The following COL24A1 variants were observed in gnomAD, a reference collection of about 807,000 sequenced individuals.
The protein encoded by COL24A1 is collagen alpha-1(XXIV) chain.
Under a neutral mutation model 253.9 loss-of-function variants are expected in COL24A1, and 224 were observed. That is an observed-to-expected ratio of 0.88 (90% CI 0.79 to 0.99). COL24A1 has a LOEUF of 0.99. Ranked by LOEUF, COL24A1 falls within the 50% of genes least tolerant of loss-of-function variation. The probability of loss-of-function intolerance (pLI) is 0.00; values close to 1 mark genes in which losing one functional copy is unlikely to be tolerated. For missense variants in COL24A1, 2,131 were observed against 2,068.5 expected, an observed-to-expected ratio of 1.03 and a Z score of -0.59; for synonymous variants, 685 against 673.7, an observed-to-expected ratio of 1.02 and a Z score of -0.26.
intron 51 of COL24A1, among the ~76,000 whole-genome samples, 199 bp downstream of exon 51, chr1:85,783,297 C>T (rs375123451): frequency 7.7e-4 from 115 of 150,156 alleles, no homozygotes; most frequent in African/African-American, 2.7e-3. Context: ...CTAGGAAGTA[C>T]GGGTGGTCTA....
At chr1:86,129,295 T>C (rs934854262) in intron 2 of COL24A1, among the ~76,000 whole-genome samples, 3 of 151,776 alleles carry the variant, frequency 2.0e-5, no homozygotes, top group African/African-American at 4.8e-5. Flanking sequence ...CTGTCTCATT[T>C]CTCTAATTTT....
At chr1:85,974,575 G>C (rs1253146553) in intron 20 of COL24A1, among the ~76,000 whole-genome samples, 3 of 152,080 alleles carry the variant, frequency 2.0e-5, no homozygotes, top group African/African-American at 4.8e-5. Flanking sequence ...GATGGTAAAA[G>C]CATGGCAAAA....
At chr1:85,965,119 G>T (rs948393382) in intron 22 of COL24A1, 57 bp from the exon 23 acceptor site, 61 of 1,364,168 alleles carry the variant, frequency 4.5e-5, no homozygotes, top group African/African-American at 4.4e-4. Flanking sequence ...TCTCATTTTT[G>T]AAAGTTTCCT....
At chr1:85,887,094 G>C (rs950407177) in intron 32 of COL24A1, among the ~76,000 whole-genome samples, 4 of 152,136 alleles carry the variant, frequency 2.6e-5, no homozygotes, top group African/African-American at 9.7e-5. Context: ...ATCTAAGAAA[G>C]AGTAGCTAGA....
At chr1:85,846,346 T>C (rs1677139457) in intron 39 of COL24A1, among the ~76,000 whole-genome samples, 2 of 151,814 alleles carry the variant, frequency 1.3e-5, no homozygotes, top group South Asian at 2.1e-4. Flanking sequence ...GAGGCATTTC[T>C]AATAAAATAA....
At chr1:85,828,027 T>G (rs1166481817) in intron 43 of COL24A1, among the ~76,000 whole-genome samples, 1 of 152,148 alleles carries the variant, frequency 6.6e-6, no homozygotes, top group Non-Finnish European at 1.5e-5. Context: ...GTGTCAATTT[T>G]GGATCTTTCC....
At chr1:85,733,333 G>T (rs899733542) in intron 59 of COL24A1, among the ~76,000 whole-genome samples, 2 of 152,020 alleles carry the variant, frequency 1.3e-5, no homozygotes, top group Non-Finnish European at 2.9e-5. Context: ...TCTCTAAAGG[G>T]CCAGATAGTA....
intron 24 of COL24A1, among the ~76,000 whole-genome samples, chr1:85,954,836 G>A (rs524192): frequency 0.52 from 79,178 of 152,002 alleles, 21,216 homozygotes; most frequent in African/African-American, 0.58. Context: ...CACTGAAACT[G>A]CAAAGGCCCT....
intron 43 of COL24A1, among the ~76,000 whole-genome samples, chr1:85,829,412 C>T (rs1249135978): frequency 6.8e-6 from 1 of 146,002 alleles, no homozygotes; most frequent in African/African-American, 2.5e-5. Flanking sequence ...TGGAGTTGCT[C>T]TTCTCGAGGA....
chr1:85,878,248 G>A (rs1681410959), intron 32 of COL24A1, among the ~76,000 whole-genome samples: 1 of 152,190 alleles, frequency 6.6e-6, no homozygotes, highest in Non-Finnish European at 1.5e-5. Context: ...TCAAGGTGCT[G>A]GCAGATTCAG....
rs1165341082 is a variant in COL24A1 at position 85,945,002 on chromosome 1, G to GTT, written c.2562+16245_2562+16246dup. The stretch of plus-strand genomic sequence containing the variant: ...TTTTCTTAATCCAGTCTATCATTGT[G>GTT]TTTTTTTTTTTTTTTTTTTTTTTTT... On this transcript the variant is annotated intron_variant, in intron 24 of 59. Coordinates refer to ENST00000370571, the MANE Select transcript of COL24A1 (RefSeq NM_152890.7). Among the ~76,000 whole-genome samples the GTT allele has an allele frequency of 3.4e-3, 120 of 35,342 alleles. 4 individuals carry two copies. Among genetic ancestry groups the GTT allele is most frequent in the African/African-American group, 6.9e-3 (57 of 8,224 alleles). The allele number at this position is 35,342 out of a possible 152,430, so 23.2% of individuals were successfully genotyped here. A position where few individuals can be genotyped will look rare whatever the true frequency, so the allele number is the denominator to read the frequency against.
chr1:86,118,743 C>G (rs1311722819), intron 3 of COL24A1, among the ~76,000 whole-genome samples: 2 of 151,942 alleles, frequency 1.3e-5, no homozygotes, highest in Admixed American at 1.3e-4. Context: ...GAAGGCTTTT[C>G]TGAAGAAGTA....
chr1:86,015,301 G>A (rs535908779), intron 19 of COL24A1, among the ~76,000 whole-genome samples: 227 of 152,292 alleles, frequency 1.5e-3, no homozygotes, highest in Non-Finnish European at 1.8e-3. Context: ...AGGTGAAGAG[G>A]AAGGATTGGT....
chr1:86,129,321 T>C (rs535464340), intron 2 of COL24A1, among the ~76,000 whole-genome samples: 1 of 151,830 alleles, frequency 6.6e-6, no homozygotes, highest in East Asian at 1.9e-4. Flanking sequence ...TTTTGCTTTA[T>C]TTATTCTTAA....
At chr1:85,840,548 T>C (rs575948544) in intron 42 of COL24A1, among the ~76,000 whole-genome samples, 2 of 152,258 alleles carry the variant, frequency 1.3e-5, no homozygotes, top group African/African-American at 2.4e-5. Flanking sequence ...ATGTGAGAAA[T>C]GGAAAATATA....
At chr1:85,840,265 T>C (rs1208156672) in intron 42 of COL24A1, among the ~76,000 whole-genome samples, 4 of 152,172 alleles carry the variant, frequency 2.6e-5, no homozygotes, top group Non-Finnish European at 5.9e-5. Flanking sequence ...CTTTAAGATT[T>C]TTACATTATT....
chr1:86,022,676 A>G (rs897390327), intron 16 of COL24A1, 85 bp from the exon 17 acceptor site: 13 of 1,425,930 alleles, frequency 9.1e-6, no homozygotes, highest in Admixed American at 2.2e-5. Flanking sequence ...TTGTAGAAGA[A>G]TAATTTCTCT....
At chr1:86,140,340 G>T (rs1188170231) in intron 2 of COL24A1, among the ~76,000 whole-genome samples, 1 of 152,178 alleles carries the variant, frequency 6.6e-6, no homozygotes, top group Non-Finnish European at 1.5e-5. Context: ...GTATGTTAAA[G>T]GTGGCAATCG....
intron 47 of COL24A1, among the ~76,000 whole-genome samples, chr1:85,809,803 AT>A (rs1672349498): frequency 6.8e-6 from 1 of 148,016 alleles, no homozygotes; most frequent in Admixed American, 6.8e-5. Flanking sequence ...TATATAGTAT[AT>A]AATATTATAT....
Sources: gnomAD v4.1 joint callset for allele counts (sites outside exome capture counted in the v4.1 genomes callset) on GRCh38, gnomAD v4.1.1 for gene constraint, MANE v1.5 for transcripts, NCBI Gene and HGNC (gene_info 2026-07-23, HGNC 2026-07-21) for gene names.